Variants in IFNG-AS1 observed in about 807,000 individuals in gnomAD.
IFNG-AS1 encodes the protein IFNG regulatory antisense RNA 1.
At chr12:67,997,790 C>T (rs1193850435) in intron 2 of IFNG-AS1, among the ~76,000 whole-genome samples, 1 of 151,252 alleles carries the variant, frequency 6.6e-6, no homozygotes, top group Non-Finnish European at 1.5e-5. Flanking sequence ...TTAAAAACTC[C>T]TAAAATTGAA....
At chr12:68,008,482 A>G (rs374571826) in intron 3 of IFNG-AS1, among the ~76,000 whole-genome samples, 2 of 152,140 alleles carry the variant, frequency 1.3e-5, no homozygotes, top group South Asian at 4.1e-4. Context: ...GGAGTTCTGG[A>G]GTTCACAGCA....
intron 3 of IFNG-AS1, among the ~76,000 whole-genome samples, chr12:68,017,140 C>G (rs1488012134): frequency 6.6e-6 from 1 of 152,162 alleles, no homozygotes; most frequent in Non-Finnish European, 1.5e-5. Flanking sequence ...ACAGAAGGAA[C>G]AGCAGCAGGT....
At chr12:68,020,630 T>C (rs1017426974) in intron 4 of IFNG-AS1, 1 of 152,180 alleles carries the variant, frequency 6.6e-6, no homozygotes, top group African/African-American at 2.4e-5. Flanking sequence ...ATGCACATAC[T>C]TCCACCAGAG....
chr12:67,994,438 A>G (rs1005499599), intron 1 of IFNG-AS1, among the ~76,000 whole-genome samples: 10 of 152,190 alleles, frequency 6.6e-5, no homozygotes, highest in Admixed American at 2.0e-4. Context: ...CTGAGTTCCT[A>G]TTACATCTAT....
intron 2 of IFNG-AS1, among the ~76,000 whole-genome samples, chr12:67,998,974 A>T (rs1217236024): frequency 1.3e-5 from 2 of 152,192 alleles, no homozygotes; most frequent in Non-Finnish European, 2.9e-5. Context: ...ATATTTGGAT[A>T]ACAAGAGGGA....
At chr12:67,990,924 A>C (rs1393413957) in intron 1 of IFNG-AS1, among the ~76,000 whole-genome samples, 1 of 152,192 alleles carries the variant, frequency 6.6e-6, no homozygotes, top group Non-Finnish European at 1.5e-5. Context: ...TCTGTTCTAC[A>C]CAAGAAATTA....
intron 2 of IFNG-AS1, among the ~76,000 whole-genome samples, chr12:67,996,930 G>A (rs1032374504): frequency 6.6e-6 from 1 of 151,926 alleles, no homozygotes; most frequent in East Asian, 1.9e-4. Flanking sequence ...TGTATTTCTG[G>A]TTCAAGTTAA....
chr12:68,017,888 T>C (rs1412129805), intron 3 of IFNG-AS1, among the ~76,000 whole-genome samples: 1 of 152,220 alleles, frequency 6.6e-6, no homozygotes, highest in Non-Finnish European at 1.5e-5. Context: ...AACTGGTTCA[T>C]ATGGGTATTG....
chr12:67,991,695 G>T (rs1592817592), intron 1 of IFNG-AS1, among the ~76,000 whole-genome samples: 1 of 152,206 alleles, frequency 6.6e-6, no homozygotes, highest in African/African-American at 2.4e-5. Flanking sequence ...CACCAGGGAG[G>T]TCTCAGTCAG....
At chr12:68,013,726 G>C (rs531094169) in intron 3 of IFNG-AS1, 12 of 152,150 alleles carry the variant, frequency 7.9e-5, no homozygotes, top group Admixed American at 3.3e-4. Flanking sequence ...TCATTCAATC[G>C]GTTGATGCCT....
At chr12:68,008,721 A>C (rs1879961879) in intron 3 of IFNG-AS1, among the ~76,000 whole-genome samples, 1 of 152,152 alleles carries the variant, frequency 6.6e-6, no homozygotes, top group Admixed American at 6.5e-5. Flanking sequence ...GCATCCACCA[A>C]GTAGAAGGGG....
intron 1 of IFNG-AS1, among the ~76,000 whole-genome samples, chr12:67,995,445 G>A (rs565393346): frequency 1.7e-4 from 20 of 119,132 alleles, no homozygotes; most frequent in East Asian, 7.3e-4. Context: ...AAAAAGGGCC[G>A]CGCACTGTGG....
chr12:68,020,883 G>A (rs553465042), intron 4 of IFNG-AS1: 1 of 152,200 alleles, frequency 6.6e-6, no homozygotes, highest in African/African-American at 2.4e-5. Context: ...TAGGGTGGGA[G>A]TGTTTCAAAG....
chr12:68,003,640 C>A (rs1054560782), intron 2 of IFNG-AS1, among the ~76,000 whole-genome samples: 2 of 152,020 alleles, frequency 1.3e-5, no homozygotes, highest in African/African-American at 2.4e-5. Context: ...TTAGGCCGGG[C>A]GTGGTGGCTC....
chr12:68,012,762 T>C (rs1182254073), intron 3 of IFNG-AS1, among the ~76,000 whole-genome samples: 1 of 152,230 alleles, frequency 6.6e-6, no homozygotes, highest in Non-Finnish European at 1.5e-5. Context: ...AGTTCCAGCC[T>C]GTGGGCATTT....
At chr12:68,019,919 G>A (rs988871568) in intron 4 of IFNG-AS1, 8 of 152,184 alleles carry the variant, frequency 5.3e-5, no homozygotes, top group African/African-American at 2.4e-5. Context: ...AGCTATGAGA[G>A]CCCAGAAGGA....
chr12:67,995,113 A>G (rs1465803481), intron 1 of IFNG-AS1, among the ~76,000 whole-genome samples: 1 of 152,122 alleles, frequency 6.6e-6, no homozygotes, highest in East Asian at 1.9e-4. Flanking sequence ...GGCTTTTGAG[A>G]GAAAGTGCCT....
intron 4 of IFNG-AS1, chr12:68,019,947 T>G (rs375092428): frequency 2.0e-4 from 30 of 152,196 alleles, no homozygotes; most frequent in African/African-American, 6.8e-4. Context: ...TATTTAGACC[T>G]GGAGGGGCCA....
chr12:68,014,572 G>T (rs561584086), intron 3 of IFNG-AS1, among the ~76,000 whole-genome samples: 1 of 152,000 alleles, frequency 6.6e-6, no homozygotes, highest in Non-Finnish European at 1.5e-5. Context: ...TCATATGTTT[G>T]TTGGCCATTT....
Sources: allele counts gnomAD v4.1 joint callset (sites outside exome capture counted in the v4.1 genomes callset), GRCh38; gene constraint gnomAD v4.1.1; transcripts MANE v1.5; gene names NCBI Gene and HGNC (gene_info 2026-07-23, HGNC 2026-07-21).